Variants in BRD2 observed in about 807,000 individuals in gnomAD.
BRD2 encodes the protein bromodomain-containing protein 2.
A neutral mutation model predicts 79.1 loss-of-function variants in BRD2; 15 were observed. The ratio of observed to expected loss-of-function variants is 0.19; its 90% confidence interval spans 0.13 to 0.29. The LOEUF is 0.29. BRD2 is among the 10% of genes least tolerant of loss of function. The pLI is 1.00. For missense variants in BRD2, 1,053 were observed against 991.3 expected, an observed-to-expected ratio of 1.06 and a Z score of -0.84; for synonymous variants, 488 against 358.6, an observed-to-expected ratio of 1.36 and a Z score of -4.08.
At position 32,972,097 on chromosome 6, in the gene BRD2, C is replaced by G. The variant is rs1431137853; in HGVS notation, c.-802C>G. 1.4e-6 allele frequency: 1 copy of G among 693,446 alleles called. No individual in the cohort carries two copies. Among genetic ancestry groups the G allele is most frequent in the Admixed American group, 2.0e-5 (1 of 48,904 alleles). The allele number at this position is 693,446 out of a possible 1,614,324, so 43.0% of individuals were successfully genotyped here. A position where few individuals can be genotyped will look rare whatever the true frequency, so the allele number is the denominator to read the frequency against. On this transcript the variant is annotated 5_prime_UTR_variant, in exon 2 of 13. Coordinates refer to ENST00000374825, the MANE Select transcript of BRD2 (RefSeq NM_005104.4). ...TCACCCGCGTGAGCGAGCGCGCGCG[C>G]GCGGAGGGGGTGGGGAAAAGCTCAA...
intron 1 of BRD2, chr6:32,970,674 C>T (rs930411756): frequency 6.6e-6 from 1 of 152,030 alleles, no homozygotes; most frequent in East Asian, 1.9e-4. Context: ...GAGATCCTTT[C>T]ACTCTCTTGT....
chr6:32,972,518 CGGGACCTCGTCGGCCCCGTAG>C lies in BRD2; in HGVS notation c.-377_-357del, dbSNP rs1778147991. The C allele has an allele frequency of 8.7e-6, 3 of 344,104 alleles. No individual in the cohort carries two copies. Among genetic ancestry groups the C allele is most frequent in the Non-Finnish European group, 1.6e-5 (3 of 185,770 alleles). The allele number at this position is 344,104 out of a possible 1,614,324, so 21.3% of individuals were successfully genotyped here. A position where few individuals can be genotyped will look rare whatever the true frequency, so the allele number is the denominator to read the frequency against. ...CATCCGCCTCCATCCGAGATCGAAACGGGACCTCGTCGGCCCCGTAGGGGCCCGACAAGAAGAGGGAATCCC... is the reference window on the plus strand; with the variant it reads ...CATCCGCCTCCATCCGAGATCGAAACGGGCCCGACAAGAAGAGGGAATCCC... On this transcript the variant is annotated 5_prime_UTR_variant, in exon 2 of 13. Coordinates refer to ENST00000374825, the MANE Select transcript of BRD2 (RefSeq NM_005104.4).
chr6:32,979,716 A>C, intron 10 of BRD2, 112 bp from the exon 11 acceptor site: 1 of 1,314,380 alleles, frequency 7.6e-7, no homozygotes, highest in East Asian at 2.5e-5. Flanking sequence ...ATTGAATGGA[A>C]AAACAGAAGC....
rs573405647 is a variant in BRD2 at position 32,978,416 on chromosome 6, G to A, written c.1841+28G>A. 4 of 1,601,032 alleles carry A rather than the reference G, an allele frequency of 2.5e-6. 1 individual carries two copies. The highest frequency in any genetic ancestry group is 1.3e-5 in the African/African-American group (1 of 74,288). On this transcript the variant is annotated intron_variant, in intron 10 of 12. Coordinates refer to ENST00000374825, the MANE Select transcript of BRD2 (RefSeq NM_005104.4). ...GAGTTAGAGTAGGAAGCAGAGACTAGTTTGGCTATTTCTGTCTCTCTGGGG... is the reference window on the plus strand; with the variant it reads ...GAGTTAGAGTAGGAAGCAGAGACTAATTTGGCTATTTCTGTCTCTCTGGGG...
At chr6:32,969,496 C>A in intron 1 of BRD2, 1 of 599,384 alleles carries the variant, frequency 1.7e-6, no homozygotes, top group Non-Finnish European at 3.1e-6. Flanking sequence ...CAGGCGCCAA[C>A]TTCCTTTCTC....
rs553849357 is a variant in BRD2 at position 32,974,878 on chromosome 6, C to T, written c.333+113C>T. The stretch of plus-strand genomic sequence containing the variant: ...CCCCTAGGGAGTTCCCATTTCTCCC[C>T]TGTAGGGCAGTTAGCTACCAGATTT... On this transcript the variant is annotated intron_variant, in intron 3 of 12. Transcript: ENST00000374825. 1.5e-4 allele frequency: 220 copies of T among 1,422,262 alleles called. No homozygotes were observed. The African/African-American group carries it at 2.9e-3, about 19-fold the overall frequency. The allele number at this position is 1,422,262 out of a possible 1,614,324, so 88.1% of individuals were successfully genotyped here. A position where few individuals can be genotyped will look rare whatever the true frequency, so the allele number is the denominator to read the frequency against.
chr6:32,973,877 G>A (rs1476491658), intron 2 of BRD2, among the ~76,000 whole-genome samples: 1 of 152,082 alleles, frequency 6.6e-6, no homozygotes, highest in Non-Finnish European at 1.5e-5. Flanking sequence ...TTGTTTTTAA[G>A]TTGATATGGT....
At chr6:32,973,059 G>C in intron 2 of BRD2, 132 bp downstream of exon 2, 1 of 1,599,366 alleles carries the variant, frequency 6.3e-7, no homozygotes, top group Non-Finnish European at 8.5e-7. Flanking sequence ...ACTCGGTCGC[G>C]CGGAGGGAAT....
intron 10 of BRD2, chr6:32,978,689 A>G (rs1779102076): frequency 1.1e-5 from 5 of 465,288 alleles, no homozygotes; most frequent in Non-Finnish European, 1.9e-5. Flanking sequence ...AGTAGGGTTC[A>G]TGCTTCTATG....
rs1226599873 is a variant in BRD2 at position 32,980,863 on chromosome 6, G to A, written c.*145G>A. The A allele has an allele frequency of 4.1e-6, 4 of 973,192 alleles. No individual in the cohort carries two copies. Among genetic ancestry groups the A allele is most frequent in the Non-Finnish European group, 4.5e-6 (3 of 664,508 alleles). 60.3% of individuals were successfully genotyped at this position (973,192 alleles called of 1,614,324 possible). ...TCTAGGAGAGCTGGCTCTGCAGTGGGGGAGGGATGCAGGGACATTTACTGA... is the reference window on the plus strand; with the variant it reads ...TCTAGGAGAGCTGGCTCTGCAGTGGAGGAGGGATGCAGGGACATTTACTGA... On this transcript the variant is annotated 3_prime_UTR_variant, in exon 13 of 13. Coordinates refer to ENST00000374825, the MANE Select transcript of BRD2 (RefSeq NM_005104.4).
Position 32,978,456 on chromosome 6 carries a change from T to C in BRD2, c.1841+68T>C. The C allele has an allele frequency of 4.5e-6, 7 of 1,557,940 alleles. No homozygotes were observed. The South Asian group carries it at 7.2e-5, about 16-fold the overall frequency. ...TCTCTCTGGGGGATGCCATCTCTCTTTGCAAAGATAATTCTAAATGGCCAG... is the reference window on the plus strand; with the variant it reads ...TCTCTCTGGGGGATGCCATCTCTCTCTGCAAAGATAATTCTAAATGGCCAG... On this transcript the variant is annotated intron_variant, in intron 10 of 12. Coordinates refer to ENST00000374825, the MANE Select transcript of BRD2 (RefSeq NM_005104.4).
rs111227999 is a variant in BRD2 at position 32,968,771 on chromosome 6, C to A, written c.-1590C>A. ...CCCCCTTGGCCCCTTGGCGCGACCC[C>A]CAGGAACGTTCGGAAAGCTGGTCCT... On this transcript the variant is annotated 5_prime_UTR_variant, in exon 1 of 13. Transcript: ENST00000374825. 1 of 154,372 alleles carries A rather than the reference C, an allele frequency of 6.5e-6. No homozygotes were observed. The highest frequency in any genetic ancestry group is 1.4e-5 in the Non-Finnish European group (1 of 69,182). The allele number at this position is 154,372 out of a possible 1,614,324, so 9.6% of individuals were successfully genotyped here. A position where few individuals can be genotyped will look rare whatever the true frequency, so the allele number is the denominator to read the frequency against.
rs185537776 is a variant in BRD2 at position 32,972,504 on chromosome 6, A to T, written c.-395A>T. 1.8e-5 allele frequency: 6 copies of T among 327,966 alleles called. 1 individual carries two copies. The East Asian group carries it at 1.9e-4, about 10-fold the overall frequency. The allele number at this position is 327,966 out of a possible 1,614,324, so 20.3% of individuals were successfully genotyped here. A position where few individuals can be genotyped will look rare whatever the true frequency, so the allele number is the denominator to read the frequency against. On this transcript the variant is annotated 5_prime_UTR_variant, in exon 2 of 13. Coordinates refer to ENST00000374825, the MANE Select transcript of BRD2 (RefSeq NM_005104.4). ...CCACTTTTCGTGTTCATCCGCCTCC[A>T]TCCGAGATCGAAACGGGACCTCGTC... is the stretch of plus-strand genomic sequence containing the variant.
intron 7 of BRD2, 71 bp from the exon 8 acceptor site, chr6:32,977,371 G>A (rs780383992): frequency 1.9e-6 from 3 of 1,611,612 alleles, no homozygotes; most frequent in East Asian, 4.5e-5. Context: ...CTCTTCTTGT[G>A]GTGTCTGGGG....
Position 32,980,074 on chromosome 6 carries a change from T to TA in BRD2, c.2089dup (p.Arg697LysfsTer4). On this transcript the variant is annotated frameshift_variant, in exon 11 of 13. Transcript: ENST00000374825. LOFTEE classifies it high-confidence loss of function. The stretch of plus-strand genomic sequence containing the variant: ...TTGAAACACTCAAGCCATCCACACT[T>TA]AGAGAGCTTGAGCGCTATGTCCTTT... 6.2e-7 allele frequency: 1 copy of TA among 1,612,944 alleles called. No individual in the cohort carries two copies. Among genetic ancestry groups the TA allele is most frequent in the Non-Finnish European group, 8.5e-7 (1 of 1,180,024 alleles).
Position 32,974,470 on chromosome 6 carries a change from G to T in BRD2, c.38G>T (p.Gly13Val). The change falls in exon 3 of 13, where the codon GGG becomes GTG. Residue 13 changes from glycine to valine, a missense_variant. Physicochemically the swap from Gly to Val is moderately radical, Grantham distance 109. Transcript: ENST00000374825. Reference sequence around the variant, plus strand: ...TGTTCCCATCTTTACAGGCTCCCTGGGGAAGGGAATGCAGGGTTGCTGGGG... The same window carrying T: ...TGTTCCCATCTTTACAGGCTCCCTGTGGAAGGGAATGCAGGGTTGCTGGGG... ...QNVTPHNKLP[G>V]EGNAGLLGLG... is the part of the protein sequence containing the mutation. 1 of 1,609,350 alleles carries T rather than the reference G, an allele frequency of 6.2e-7. No individual in the cohort carries two copies.
At chr6:32,978,073 C>T (rs2127521122) in intron 9 of BRD2, 53 bp from the exon 10 acceptor site, 6 of 1,581,860 alleles carry the variant, frequency 3.8e-6, no homozygotes, top group Admixed American at 3.7e-5. Context: ...ATTTTTTCTT[C>T]TTGTTATTTT....
rs751969591 is a variant in BRD2 at position 32,976,673 on chromosome 6, C to T, written c.937C>T (p.Leu313Phe). ...PGSLEPKAAR[L>F]PPMRRESGRP... is the part of the protein sequence containing the mutation. Reference sequence around the variant, plus strand: ...GAGTCTTGAGCCTAAGGCAGCACGGCTTCCCCCTATGCGTAGAGAGAGTGG... The same window carrying T: ...GAGTCTTGAGCCTAAGGCAGCACGGTTTCCCCCTATGCGTAGAGAGAGTGG... The change falls in exon 7 of 13, where the codon CTT (leucine) becomes TTT (phenylalanine). Residue 313 changes from leucine (L) to phenylalanine (F), a missense_variant. Physicochemically the swap from Leu to Phe is conservative, Grantham distance 22 (BLOSUM62 0). Around this residue, in one of 5 missense-constraint regions of BRD2, gnomAD observed 454 missense variants for 430.5 expected, o/e 1.05. Transcript: ENST00000374825. 6.2e-7 allele frequency: 1 copy of T among 1,613,098 alleles called. No individual in the cohort carries two copies. Among genetic ancestry groups the T allele is most frequent in the Non-Finnish European group, 8.5e-7 (1 of 1,180,042 alleles).
chr6:32,971,416 G>A (rs1464895415), intron 1 of BRD2, among the ~76,000 whole-genome samples, 179 bp from the exon 2 acceptor site: 1 of 152,108 alleles, frequency 6.6e-6, no homozygotes, highest in Non-Finnish European at 1.5e-5. Flanking sequence ...TGTTTTGCTC[G>A]TCTTTCCATC....
Sources: allele counts gnomAD v4.1 joint callset (sites outside exome capture counted in the v4.1 genomes callset), GRCh38; gene constraint gnomAD v4.1.1; regional missense constraint gnomAD v4.1.1; transcripts MANE v1.5; gene names NCBI Gene and HGNC (gene_info 2026-07-23, HGNC 2026-07-21).